The following ARHGAP6 variants were observed in gnomAD, a reference collection of about 807,000 sequenced individuals.
The protein encoded by ARHGAP6 is rho GTPase-activating protein 6.
ARHGAP6 carries 16 observed loss-of-function variants against 55.7 expected under a neutral mutation model. That is an observed-to-expected ratio of 0.29 (90% confidence interval 0.19 to 0.44). The LOEUF is 0.44. Among genes scored for constraint, ARHGAP6 ranks in the 20% least tolerant of loss-of-function variants. The pLI is 1.00. For missense variants in ARHGAP6, 698 were observed against 808.9 expected (o/e 0.86, Z 1.66); for synonymous variants, 382 against 360.9 (o/e 1.06, Z -0.66).
chrX:11,523,656 TG>T (rs1429921814), intron 1 of ARHGAP6, among the ~76,000 whole-genome samples: 2 of 111,949 alleles, frequency 1.8e-5, no homozygotes, highest in Non-Finnish European at 3.8e-5. Context: ...CTCTTACATC[TG>T]CCTGTTTCTT....
At chrX:11,641,087 T>C (rs1460115764) in intron 1 of ARHGAP6, among the ~76,000 whole-genome samples, 1 of 107,711 alleles carries the variant, frequency 9.3e-6, no homozygotes, top group Non-Finnish European at 1.9e-5. Context: ...GGGAAAAAAA[T>C]ATAGGGAGAA....
chrX:11,595,762 G>T (rs1350233001), intron 1 of ARHGAP6, among the ~76,000 whole-genome samples: 1 of 111,893 alleles, frequency 8.9e-6, no homozygotes, highest in African/African-American at 3.3e-5. Flanking sequence ...GTGGGCAAAG[G>T]ATATGAACAG....
chrX:11,475,427 G>T (rs1241378964), intron 1 of ARHGAP6, among the ~76,000 whole-genome samples: 1 of 110,234 alleles, frequency 9.1e-6, no homozygotes, highest in Non-Finnish European at 1.9e-5. Context: ...GTATGCATTT[G>T]CACCTCCAGC....
intron 1 of ARHGAP6, among the ~76,000 whole-genome samples, chrX:11,484,822 A>T: frequency 8.9e-6 from 1 of 111,867 alleles, no homozygotes; most frequent in Middle Eastern, 4.6e-3. Flanking sequence ...ATAAAAAAGA[A>T]AAACTATTAA....
intron 2 of ARHGAP6, among the ~76,000 whole-genome samples, chrX:11,236,336 C>T (rs962841114): frequency 9.0e-6 from 1 of 111,610 alleles, no homozygotes; most frequent in African/African-American, 3.3e-5. Flanking sequence ...TAACAGTCCC[C>T]ATGATTCAAT....
chrX:11,387,601 G>A (rs1483390466), intron 1 of ARHGAP6, among the ~76,000 whole-genome samples: 6 of 111,660 alleles, frequency 5.4e-5, no homozygotes, highest in African/African-American at 9.8e-5. Context: ...TGTGCGCAAC[G>A]TGCAAGTTTG....
intron 1 of ARHGAP6, among the ~76,000 whole-genome samples, chrX:11,539,766 C>T (rs1215454919): frequency 1.8e-5 from 2 of 111,748 alleles, no homozygotes; most frequent in Non-Finnish European, 3.8e-5. Context: ...TGACTTTATC[C>T]TCACTCTGGC....
intron 1 of ARHGAP6, chrX:11,351,409 T>C (rs1228437011): frequency 2.1e-6 from 2 of 969,765 alleles, no homozygotes; most frequent in Admixed American, 6.1e-5. Flanking sequence ...ATGAGAACAG[T>C]CGACCCAAGT....
chrX:11,559,715 C>T (rs1276203006), intron 1 of ARHGAP6, among the ~76,000 whole-genome samples: 1 of 110,052 alleles, frequency 9.1e-6, no homozygotes, highest in Non-Finnish European at 1.9e-5. Flanking sequence ...ATCACGAGGT[C>T]AGGAGATCAA....
At chrX:11,238,678 G>T (rs1181969031) in intron 2 of ARHGAP6, among the ~76,000 whole-genome samples, 5 of 111,976 alleles carry the variant, frequency 4.5e-5, no homozygotes, top group African/African-American at 1.6e-4. Context: ...CTTCCATTTG[G>T]TTGTATTCTG....
intron 1 of ARHGAP6, among the ~76,000 whole-genome samples, chrX:11,503,770 C>T (rs1426273155): frequency 9.0e-6 from 1 of 111,154 alleles, no homozygotes; most frequent in African/African-American, 3.3e-5. Context: ...AAATGAATTT[C>T]ATCTCACAAA....
intron 1 of ARHGAP6, among the ~76,000 whole-genome samples, chrX:11,443,067 C>A (rs759216585): frequency 2.0e-4 from 22 of 111,823 alleles, no homozygotes; most frequent in Middle Eastern, 4.7e-3. Flanking sequence ...AACGACCACC[C>A]AAATCATGAA....
intron 2 of ARHGAP6, among the ~76,000 whole-genome samples, chrX:11,222,663 GCTT>G (rs746531555): frequency 5.4e-5 from 6 of 111,630 alleles, no homozygotes; most frequent in African/African-American, 1.9e-4. Context: ...CATGGACATT[GCTT>G]CTTTTATTAA....
intron 1 of ARHGAP6, among the ~76,000 whole-genome samples, chrX:11,319,527 T>G (rs893835144): frequency 1.8e-5 from 2 of 111,844 alleles, no homozygotes; most frequent in African/African-American, 6.5e-5. Context: ...CCTCTCATTC[T>G]CTCTTTCTAT....
At chrX:11,466,009 C>G (rs988674902) in intron 1 of ARHGAP6, among the ~76,000 whole-genome samples, 1 of 110,918 alleles carries the variant, frequency 9.0e-6, no homozygotes, top group Non-Finnish European at 1.9e-5. Flanking sequence ...GAACAGTTAA[C>G]CCTGCCCATC....
At chrX:11,590,604 G>C (rs761868550) in intron 1 of ARHGAP6, among the ~76,000 whole-genome samples, 1 of 106,507 alleles carries the variant, frequency 9.4e-6, no homozygotes, top group African/African-American at 3.4e-5. Context: ...GGCCAACATG[G>C]TGAAACCCCA....
At chrX:11,526,017 A>T (rs1279999739) in intron 1 of ARHGAP6, among the ~76,000 whole-genome samples, 2 of 111,864 alleles carry the variant, frequency 1.8e-5, no homozygotes, top group African/African-American at 6.5e-5. Flanking sequence ...GTTCAAAAAT[A>T]TAAAATTCCT....
At chrX:11,497,312 G>A (rs1203019430) in intron 1 of ARHGAP6, among the ~76,000 whole-genome samples, 1 of 111,844 alleles carries the variant, frequency 8.9e-6, no homozygotes, top group Non-Finnish European at 1.9e-5. Flanking sequence ...AATAACTATA[G>A]CCCTATTTCA....
intron 1 of ARHGAP6, chrX:11,298,506 C>T (rs1430225244): frequency 8.3e-7 from 1 of 1,205,600 alleles, no homozygotes; most frequent in Admixed American, 2.2e-5. Context: ...TGGTTGGAGT[C>T]ACCTGAGCCA....
Sources: gnomAD v4.1 joint callset for allele counts (sites outside exome capture counted in the v4.1 genomes callset) on GRCh38, gnomAD v4.1.1 for gene constraint, MANE v1.5 for transcripts, NCBI Gene and HGNC (gene_info 2026-07-23, HGNC 2026-07-21) for gene names.